Variants in GPC6 observed in about 807,000 individuals in gnomAD.
The protein encoded by GPC6 is glypican 6, also known as glypican-6.
GPC6 carries 14 observed loss-of-function variants against 55.2 expected under a neutral mutation model. The ratio of observed to expected loss-of-function variants is 0.25; its 90% CI spans 0.17 to 0.40. The LOEUF (loss-of-function observed/expected upper bound fraction) is 0.40. Ranked by LOEUF, GPC6 falls within the 10% of genes least tolerant of loss-of-function variation. The probability of loss-of-function intolerance (pLI) is 1.00; values close to 1 mark genes in which losing one functional copy is unlikely to be tolerated. For synonymous variants in GPC6, 278 were observed against 259.6 expected (o/e 1.07, Z -0.68); for missense variants, 641 against 708.5 (o/e 0.90, Z 1.08).
At chr13:93,591,641 T>A (rs1387635044) in intron 2 of GPC6, among the ~76,000 whole-genome samples, 1 of 152,162 alleles carries the variant, frequency 6.6e-6, no homozygotes, top group East Asian at 1.9e-4. Context: ...AAGTCAGAAT[T>A]TGTTTATAAT....
chr13:94,204,141 A>T (rs1002062898), intron 4 of GPC6, among the ~76,000 whole-genome samples: 1 of 152,202 alleles, frequency 6.6e-6, no homozygotes, highest in African/African-American at 2.4e-5. Flanking sequence ...CATCTCAAAT[A>T]AAAAAAGAGG....
At chr13:93,851,955 G>C (rs77749966) in intron 3 of GPC6, among the ~76,000 whole-genome samples, 6 of 151,752 alleles carry the variant, frequency 4.0e-5, no homozygotes, top group Middle Eastern at 6.8e-3. Context: ...TATGATAAAC[G>C]TGTTTGGTAA....
chr13:93,476,104 A>G (rs953566173), intron 1 of GPC6, among the ~76,000 whole-genome samples: 21 of 152,188 alleles, frequency 1.4e-4, no homozygotes, highest in African/African-American at 4.6e-4. Context: ...ATCAATTCAA[A>G]TAAGAATATT....
intron 4 of GPC6, among the ~76,000 whole-genome samples, chr13:94,068,170 A>G (rs1884602160): frequency 1.3e-5 from 2 of 152,196 alleles, no homozygotes; most frequent in African/African-American, 2.4e-5. Context: ...GGGAGGCCTT[A>G]CAGTCATGGT....
At chr13:94,150,922 G>C (rs1197836266) in intron 4 of GPC6, among the ~76,000 whole-genome samples, 1 of 150,620 alleles carries the variant, frequency 6.6e-6, no homozygotes. Flanking sequence ...TCTGTTGGTA[G>C]CTTCTCTTTC....
chr13:93,797,675 G>A (rs757980105), intron 2 of GPC6, among the ~76,000 whole-genome samples: 1 of 152,258 alleles, frequency 6.6e-6, no homozygotes, highest in Middle Eastern at 3.4e-3. Flanking sequence ...AGAGGAGAAC[G>A]TGTGAAATAA....
At chr13:94,194,435 G>A (rs1315713239) in intron 4 of GPC6, among the ~76,000 whole-genome samples, 1 of 152,134 alleles carries the variant, frequency 6.6e-6, no homozygotes, top group East Asian at 1.9e-4. Context: ...GTATGTGTGT[G>A]TTAATGGCAT....
intron 2 of GPC6, among the ~76,000 whole-genome samples, chr13:93,650,886 C>T (rs1288687668): frequency 6.6e-6 from 1 of 151,874 alleles, no homozygotes; most frequent in Non-Finnish European, 1.5e-5. Context: ...TTTTAACCTG[C>T]TTCTGTGTAA....
chr13:93,894,736 T>C (rs1441585113), intron 3 of GPC6, among the ~76,000 whole-genome samples: 1 of 152,116 alleles, frequency 6.6e-6, no homozygotes, highest in African/African-American at 2.4e-5. Flanking sequence ...TGCAGTTTCA[T>C]AGGTTGGGAA....
At position 93,227,757 on chromosome 13, in the gene GPC6, T is replaced by C. The variant is rs138599682; in HGVS notation, c.160+141T>C. ...ACCGCTATGGGACTCCGCGTCTCCG[T>C]GTTGGGCGGCGGATGCTCCTGCGGC... On this transcript the variant is annotated intron_variant, in intron 1 of 8. Coordinates refer to ENST00000377047, the MANE Select transcript of GPC6 (RefSeq NM_005708.5). The surrounding 1 kb of genome is among the most constrained non-coding windows in gnomAD (Gnocchi z 4.3). The C allele has an allele frequency of 9.4e-4, 628 of 670,412 alleles. 4 individuals are homozygous for C. In the East Asian group the frequency reaches 0.017, roughly 18 times the overall value. 41.5% of individuals were successfully genotyped at this position (670,412 alleles called of 1,614,324 possible).
chr13:93,275,769 T>C (rs1379441822), intron 1 of GPC6, among the ~76,000 whole-genome samples: 3 of 152,168 alleles, frequency 2.0e-5, no homozygotes, highest in African/African-American at 7.2e-5. Context: ...ATCTCTTCTT[T>C]AAAGGTCCTA....
chr13:94,372,031 C>G (rs1879567750), intron 6 of GPC6, among the ~76,000 whole-genome samples: 1 of 152,044 alleles, frequency 6.6e-6, no homozygotes, highest in Non-Finnish European at 1.5e-5. Context: ...GTCAGTTTCT[C>G]TTCCTTCCTT....
intron 1 of GPC6, among the ~76,000 whole-genome samples, chr13:93,499,154 A>G (rs1264103340): frequency 6.6e-6 from 1 of 152,016 alleles, no homozygotes; most frequent in Non-Finnish European, 1.5e-5. Flanking sequence ...GGGCAAAGGC[A>G]GCCACAGTTT....
intron 1 of GPC6, among the ~76,000 whole-genome samples, chr13:93,231,346 C>CATATATATATACGTATAT (rs1876011401): frequency 4.1e-5 from 1 of 24,176 alleles, no homozygotes; most frequent in Non-Finnish European, 8.0e-5. Context: ...TATATATATA[C>CATATATATATACGTATAT]ATATATATAT....
chr13:93,654,648 A>G (rs1267784326), intron 2 of GPC6, among the ~76,000 whole-genome samples: 1 of 152,130 alleles, frequency 6.6e-6, no homozygotes, highest in African/African-American at 2.4e-5. Context: ...AAGAAAGTCT[A>G]TGATTTCTGT....
At chr13:93,646,669 A>G (rs1421245215) in intron 2 of GPC6, among the ~76,000 whole-genome samples, 1 of 152,072 alleles carries the variant, frequency 6.6e-6, no homozygotes, top group African/African-American at 2.4e-5. Flanking sequence ...TAATTTCATA[A>G]TGATAATTAT....
At chr13:93,997,101 A>G (rs1001504962) in intron 3 of GPC6, among the ~76,000 whole-genome samples, 1 of 152,196 alleles carries the variant, frequency 6.6e-6, no homozygotes, top group Admixed American at 6.6e-5. Context: ...CACCCGTGTT[A>G]TCCTGAACTT....
At chr13:94,009,905 A>G (rs750095678) in intron 3 of GPC6, among the ~76,000 whole-genome samples, 24 of 152,180 alleles carry the variant, frequency 1.6e-4, no homozygotes, top group Non-Finnish European at 3.1e-4. Flanking sequence ...GACAAAAAGC[A>G]TAGGAATTCA....
At chr13:93,949,043 T>G (rs1879133528) in intron 3 of GPC6, among the ~76,000 whole-genome samples, 1 of 152,212 alleles carries the variant, frequency 6.6e-6, no homozygotes, top group Admixed American at 6.5e-5. Flanking sequence ...TGTTATTGAT[T>G]GGATACTTAC....
Sources: gnomAD v4.1 joint callset for allele counts (sites outside exome capture counted in the v4.1 genomes callset) on GRCh38, gnomAD v4.1.1 for gene constraint, Gnocchi (gnomAD v3.1) non-coding constraint, MANE v1.5 for transcripts, NCBI Gene and HGNC (gene_info 2026-07-23, HGNC 2026-07-21) for gene names.